ZC3HAV1: variants seen among roughly 807,000 people sequenced by gnomAD.
ZC3HAV1 encodes zinc finger CCCH-type containing, antiviral 1, also known as zinc finger CCCH-type antiviral protein 1.
Under a neutral mutation model 86.6 loss-of-function variants are expected in ZC3HAV1, and 41 were observed. The observed-to-expected ratio is 0.47, with a 90% CI of 0.37 to 0.61. ZC3HAV1 has a LOEUF of 0.61. Ranked by LOEUF, ZC3HAV1 falls within the 20% of genes least tolerant of loss-of-function variation. The probability of loss-of-function intolerance (pLI) is 0.00; values close to 1 mark genes in which losing one functional copy is unlikely to be tolerated. For missense variants in ZC3HAV1, 964 were observed against 1,141.1 expected (o/e 0.84, Z 2.24); for synonymous variants, 421 against 432.1 (o/e 0.97, Z 0.32).
chr7:139,049,289 G>C (rs1584833062), intron 12 of ZC3HAV1, among the ~76,000 whole-genome samples: 1 of 151,868 alleles, frequency 6.6e-6, no homozygotes, highest in South Asian at 2.1e-4. Flanking sequence ...TAATCGGTGC[G>C]AGGCAACAGC....
At chr7:139,067,314 C>T (rs146835709) in intron 7 of ZC3HAV1, among the ~76,000 whole-genome samples, 1,936 of 152,156 alleles carry the variant, frequency 0.013, 30 homozygotes, top group African/African-American at 0.044. Context: ...CACACCCCAG[C>T]TAATTTTTGT....
At chr7:139,065,701 C>T (rs1028657763) in intron 7 of ZC3HAV1, among the ~76,000 whole-genome samples, 2 of 151,998 alleles carry the variant, frequency 1.3e-5, no homozygotes, top group East Asian at 1.9e-4. Flanking sequence ...GTCAAGAGAT[C>T]GAGACCATCC....
intron 1 of ZC3HAV1, among the ~76,000 whole-genome samples, chr7:139,098,345 G>C (rs945422975): frequency 6.6e-6 from 1 of 152,120 alleles, no homozygotes. Flanking sequence ...TACAAATTAA[G>C]AATTTTCCAT....
chr7:139,049,103 T>A (rs1448965074), intron 12 of ZC3HAV1, among the ~76,000 whole-genome samples: 1 of 151,446 alleles, frequency 6.6e-6, no homozygotes, highest in Admixed American at 6.6e-5. Flanking sequence ...GCTATGTCAG[T>A]ACATCCAACT....
chr7:139,080,445 T>A (rs187049083), intron 3 of ZC3HAV1, among the ~76,000 whole-genome samples: 5 of 152,266 alleles, frequency 3.3e-5, no homozygotes, highest in South Asian at 2.1e-4. Context: ...GTTTTTGTTT[T>A]AAGAGATGGA....
chr7:139,064,943 T>G lies in ZC3HAV1; in HGVS notation c.1929A>C (p.Gln643His). 6.2e-7 allele frequency: 1 copy of G among 1,614,208 alleles called. No individual in the cohort carries two copies. The highest frequency in any genetic ancestry group is 2.2e-5 in the East Asian group (1 of 44,888). The change falls in exon 8 of 13, where the codon CAA becomes CAC. Residue 643 changes from glutamine to histidine, a missense_variant. Gln to His is a conservative substitution (Grantham distance 24, BLOSUM62 0). Transcript: ENST00000242351. ...ATGGCACAACTCCCCTCGGACAGGA[T>G]TGATAGAGAGACTCCAGGTATGAAG... ...VDSSYLESLY[Q>H]SCPRGVVPFQ...
At chr7:139,063,126 G>T (rs1367188822) in intron 8 of ZC3HAV1, among the ~76,000 whole-genome samples, 1 of 151,390 alleles carries the variant, frequency 6.6e-6, no homozygotes, top group Non-Finnish European at 1.5e-5. Flanking sequence ...GCTCTGAACT[G>T]GTTTCTATGA....
Position 139,044,324 on chromosome 7 carries a change from A to T in ZC3HAV1, c.*3270T>A, listed in dbSNP as rs1318729675. ...TACTTGTTTACAGGAAGTAGCCTCT[A>T]ATCGGCTCTTAAATCCAAACCTACT... On this transcript the variant is annotated 3_prime_UTR_variant, in exon 13 of 13. Coordinates refer to ENST00000242351, the MANE Select transcript of ZC3HAV1 (RefSeq NM_020119.4). The T allele has an allele frequency of 1.3e-5, 2 of 152,166 alleles. No homozygotes were observed. Among genetic ancestry groups the T allele is most frequent in the Non-Finnish European group, 2.9e-5 (2 of 68,038 alleles). 9.4% of individuals were successfully genotyped at this position (152,166 alleles called of 1,614,324 possible). A position where few individuals can be genotyped will look rare whatever the true frequency, so the allele number is the denominator to read the frequency against.
chr7:139,109,326 C>G lies in ZC3HAV1; in HGVS notation c.6G>C (p.Ala2=). The part of the protein sequence containing the change: M[A]DPEVCCFITK... Reference sequence around the variant, plus strand: ...TGATGAAGCAGCACACCTCCGGGTCCGCCATGGCGCGCTGGCTGTGCTGGC... The same window carrying G: ...TGATGAAGCAGCACACCTCCGGGTCGGCCATGGCGCGCTGGCTGTGCTGGC... Residue 2 remains alanine (A), a synonymous_variant, in exon 1 of 13, where the codon GCG becomes GCC. Coordinates refer to ENST00000242351, the MANE Select transcript of ZC3HAV1 (RefSeq NM_020119.4). 2 of 1,581,164 alleles carry G rather than the reference C, an allele frequency of 1.3e-6. No homozygotes were observed. The highest frequency in any genetic ancestry group is 1.1e-5 in the South Asian group (1 of 88,016).
At position 139,054,097 on chromosome 7, in the gene ZC3HAV1, T is replaced by C; in HGVS notation, c.2188-2A>G. Reference sequence around the variant, plus strand: ...ATGTAGGTGATGGATCTCTGACAACTAATAAAGTTTAAAAATAGATAAATG... The same window carrying C: ...ATGTAGGTGATGGATCTCTGACAACCAATAAAGTTTAAAAATAGATAAATG... On this transcript the variant is annotated splice_acceptor_variant, in intron 10 of 12. Coordinates refer to ENST00000242351, the MANE Select transcript of ZC3HAV1 (RefSeq NM_020119.4). LOFTEE classifies it high-confidence loss of function. 6.4e-7 allele frequency: 1 copy of C among 1,563,258 alleles called. No homozygotes were observed. The highest frequency in any genetic ancestry group is 8.6e-7 in the Non-Finnish European group (1 of 1,163,866).
chr7:139,083,249 G>C (rs573255572), intron 3 of ZC3HAV1, among the ~76,000 whole-genome samples: 69 of 72,964 alleles, frequency 9.5e-4, no homozygotes, highest in Admixed American at 5.3e-3. Flanking sequence ...TAAACCTGGG[G>C]GGGGGGGCAA....
At chr7:139,076,210 TCCCC>T in intron 6 of ZC3HAV1, 72 bp downstream of exon 6, 2 of 1,574,172 alleles carry the variant, frequency 1.3e-6, no homozygotes, top group Admixed American at 1.9e-5. Context: ...TTTTTCTTTT[TCCCC>T]TGAGCCTAGC....
intron 4 of ZC3HAV1, 140 bp downstream of exon 4, chr7:139,079,330 T>C: frequency 6.4e-7 from 1 of 1,555,328 alleles, no homozygotes; most frequent in Non-Finnish European, 8.7e-7. Context: ...TATCTTTTTC[T>C]GCCTTGACTG....
At chr7:139,101,505 G>T (rs1211419897) in intron 1 of ZC3HAV1, among the ~76,000 whole-genome samples, 3 of 102,374 alleles carry the variant, frequency 2.9e-5, no homozygotes, top group African/African-American at 3.9e-5. Flanking sequence ...ACCCCGTCTG[G>T]GAGGTGTACC....
intron 7 of ZC3HAV1, among the ~76,000 whole-genome samples, chr7:139,068,514 G>A (rs77568172): frequency 0.016 from 2,385 of 152,304 alleles, 60 homozygotes; most frequent in African/African-American, 0.054. Flanking sequence ...CAGTAGCCAA[G>A]CTATGTGTGG....
chr7:139,051,965 A>G (rs912084881), intron 12 of ZC3HAV1, among the ~76,000 whole-genome samples: 6 of 151,674 alleles, frequency 4.0e-5, no homozygotes, highest in African/African-American at 1.5e-4. Context: ...ACTGATTCTT[A>G]GTTTTTTTTT....
At chr7:139,051,701 G>A (rs892272274) in intron 12 of ZC3HAV1, among the ~76,000 whole-genome samples, 9 of 152,180 alleles carry the variant, frequency 5.9e-5, no homozygotes, top group Non-Finnish European at 1.0e-4. Context: ...AGGAATTACA[G>A]GTCTAAGCTA....
rs1298478455 is a variant in ZC3HAV1 at position 139,099,798 on chromosome 7, G to A, written c.308+9226C>T. ...AAAAATTAGCCAGGCATGGTGGCGCGTGCCTGTAATCCCAGCTACTTGGGA... is the reference window on the plus strand; with the variant it reads ...AAAAATTAGCCAGGCATGGTGGCGCATGCCTGTAATCCCAGCTACTTGGGA... On this transcript the variant is annotated intron_variant, in intron 1 of 12. Transcript: ENST00000242351. Among the ~76,000 whole-genome samples, 13 of 152,126 alleles carry A rather than the reference G, an allele frequency of 8.5e-5. No homozygotes were observed. The East Asian group carries it at 9.7e-4, about 11-fold the overall frequency.
At chr7:139,079,184 C>G in intron 4 of ZC3HAV1, 1 of 1,536,230 alleles carries the variant, frequency 6.5e-7, no homozygotes, top group Non-Finnish European at 8.7e-7. Flanking sequence ...CCCTTGGGCC[C>G]CCCAGACTGC....
Sources: allele counts gnomAD v4.1 joint callset (sites outside exome capture counted in the v4.1 genomes callset), GRCh38; gene constraint gnomAD v4.1.1; transcripts MANE v1.5; gene names NCBI Gene and HGNC (gene_info 2026-07-23, HGNC 2026-07-21).